ABCA12: variants seen among roughly 807,000 people sequenced by gnomAD.
The protein encoded by ABCA12 is ATP binding cassette subfamily A member 12, also known as glucosylceramide transporter ABCA12.
ABCA12 carries 156 observed loss-of-function variants against 293.5 expected under a neutral mutation model. The observed-to-expected ratio is 0.53, with a 90% CI of 0.47 to 0.61. The LOEUF is 0.61. Ranked by LOEUF, ABCA12 falls within the 20% of genes least tolerant of loss-of-function variation. The probability of loss-of-function intolerance (pLI) is 0.00; values close to 1 mark genes in which losing one functional copy is unlikely to be tolerated. For missense variants in ABCA12, 2,797 were observed against 3,090.2 expected (o/e 0.91, Z 2.25); for synonymous variants, 1,063 against 1,108.0 (o/e 0.96, Z 0.81).
chr2:215,083,499 A>G (rs188002700), intron 2 of ABCA12, among the ~76,000 whole-genome samples: 2 of 152,342 alleles, frequency 1.3e-5, no homozygotes, highest in Admixed American at 6.5e-5. Flanking sequence ...TTTGGGTATC[A>G]TAAGCAATTT....
rs1259026065 is a variant in ABCA12, at chr2:215,007,756, G to A, written c.2563C>T (p.Leu855=). 9.9e-6 allele frequency: 16 copies of A among 1,613,926 alleles called. No homozygotes were observed. The highest frequency in any genetic ancestry group is 1.4e-5 in the Non-Finnish European group (16 of 1,179,966). The change falls in exon 19 of 53, where the codon CTG becomes TTG. Residue 855 remains leucine, a synonymous_variant. Coordinates refer to ENST00000272895, the MANE Select transcript of ABCA12 (RefSeq NM_173076.3). ...KSPLFMNSFH[L]LNQAIPMLQN... is the part of the protein sequence containing the mutation. ...AGCATTGGAATTGCCTGGTTTAACA[G>A]ATGGAAGGAATTCATGAAAAGTGGC...
Position 215,105,496 on chromosome 2 carries a change from G to A in ABCA12, c.163+6101C>T, listed in dbSNP as rs139915500. Among the ~76,000 whole-genome samples, 390 of 152,004 alleles carry A rather than the reference G, an allele frequency of 2.6e-3. 3 individuals carry two copies. The Middle Eastern group carries it at 0.044, about 17-fold the overall frequency. ...GTCTTGAAAGTCAGACAAAGAGAAG[G>A]TGAAACCTAATGGGCCCAAATAGTA... On this transcript the variant is annotated intron_variant, in intron 2 of 52. Coordinates refer to ENST00000272895, the MANE Select transcript of ABCA12 (RefSeq NM_173076.3).
chr2:215,054,686 C>T, intron 3 of ABCA12, 22 bp from the exon 4 acceptor site: 1 of 1,564,630 alleles, frequency 6.4e-7, no homozygotes, highest in Non-Finnish European at 8.8e-7. Context: ...AAAGCAAGAA[C>T]TCTGTAACTT....
intron 1 of ABCA12, among the ~76,000 whole-genome samples, chr2:215,120,974 T>C (rs1575057600): frequency 6.6e-6 from 1 of 152,218 alleles, no homozygotes; most frequent in South Asian, 2.1e-4. Context: ...CAAGTGGTCT[T>C]CTTATAATTA....
At chr2:215,080,046 C>T (rs542528899) in intron 2 of ABCA12, among the ~76,000 whole-genome samples, 10 of 152,204 alleles carry the variant, frequency 6.6e-5, no homozygotes, top group South Asian at 2.1e-4. Flanking sequence ...CTGCTATATA[C>T]GGTAATTAGA....
At chr2:214,934,569 A>T (rs1698161015) in intron 51 of ABCA12, among the ~76,000 whole-genome samples, 1 of 152,242 alleles carries the variant, frequency 6.6e-6, no homozygotes, top group African/African-American at 2.4e-5. Flanking sequence ...CTCAATCTTA[A>T]GAAATTTCAT....
chr2:215,010,574 G>T, intron 17 of ABCA12, 104 bp from the exon 18 acceptor site: 2 of 1,251,890 alleles, frequency 1.6e-6, no homozygotes, highest in Non-Finnish European at 2.3e-6. Flanking sequence ...AAAAATACAT[G>T]CTCTAGTACT....
At chr2:214,934,329 T>C in intron 51 of ABCA12, 114 bp from the exon 52 acceptor site, 1 of 1,168,624 alleles carries the variant, frequency 8.6e-7, no homozygotes, top group Non-Finnish European at 1.3e-6. Context: ...CCACTGAAAA[T>C]GATGCTACAG....
intron 1 of ABCA12, among the ~76,000 whole-genome samples, chr2:215,132,315 G>C (rs111781808): frequency 1.2e-3 from 189 of 152,060 alleles, no homozygotes; most frequent in African/African-American, 4.5e-3. Flanking sequence ...TTGATTATCT[G>C]TCTAGTAATA....
At chr2:215,105,613 A>G (rs893521315) in intron 2 of ABCA12, among the ~76,000 whole-genome samples, 1 of 151,828 alleles carries the variant, frequency 6.6e-6, no homozygotes, top group African/African-American at 2.4e-5. Context: ...ACACACACAC[A>G]CACACACACG....
chr2:214,992,531 T>C (rs1406110942), intron 23 of ABCA12, among the ~76,000 whole-genome samples: 1 of 146,914 alleles, frequency 6.8e-6, no homozygotes, highest in Non-Finnish European at 1.5e-5. Flanking sequence ...CCTTTTTTTT[T>C]TTTTTTTTTT....
chr2:214,994,027 A>G (rs924128370), intron 23 of ABCA12, among the ~76,000 whole-genome samples: 4 of 152,186 alleles, frequency 2.6e-5, no homozygotes, highest in African/African-American at 9.7e-5. Flanking sequence ...TTCCAAAAGC[A>G]TTCACTATTT....
chr2:215,127,206 G>T (rs1240235488), intron 1 of ABCA12, among the ~76,000 whole-genome samples: 2 of 152,000 alleles, frequency 1.3e-5, no homozygotes, highest in East Asian at 3.9e-4. Context: ...TTGTTTTATG[G>T]CTTATCATAT....
intron 2 of ABCA12, among the ~76,000 whole-genome samples, chr2:215,075,158 G>A (rs1310980916): frequency 1.3e-5 from 2 of 151,978 alleles, no homozygotes; most frequent in African/African-American, 4.8e-5. Context: ...GAAGGGAGAT[G>A]GAGGTGTTTA....
intron 9 of ABCA12, among the ~76,000 whole-genome samples, chr2:215,027,840 G>A (rs934743816): frequency 6.6e-6 from 1 of 152,080 alleles, no homozygotes; most frequent in Non-Finnish European, 1.5e-5. Flanking sequence ...ACCAATATAA[G>A]TTCCTTTTTT....
intron 2 of ABCA12, among the ~76,000 whole-genome samples, chr2:215,092,191 C>G (rs577528002): frequency 5.3e-5 from 8 of 152,280 alleles, no homozygotes; most frequent in African/African-American, 1.9e-4. Context: ...ACATTACCTT[C>G]TTTTCAAGGG....
intron 4 of ABCA12, among the ~76,000 whole-genome samples, chr2:215,052,889 G>C (rs564018295): frequency 3.3e-5 from 5 of 151,992 alleles, no homozygotes; most frequent in African/African-American, 1.2e-4. Flanking sequence ...CCAATAAACC[G>C]AATCATTTCT....
intron 14 of ABCA12, 75 bp from the exon 15 acceptor site, chr2:215,015,738 G>T (rs1700479917): frequency 2.8e-6 from 4 of 1,404,608 alleles, no homozygotes; most frequent in Non-Finnish European, 3.0e-6. Context: ...GAGGTTTTCT[G>T]TATACTCTAA....
Position 214,978,717 on chromosome 2 carries a change from A to AT in ABCA12, c.4977+86dup, listed in dbSNP as rs1303259404. On this transcript the variant is annotated intron_variant, in intron 32 of 52. Coordinates refer to ENST00000272895, the MANE Select transcript of ABCA12 (RefSeq NM_173076.3). ...TCTAATTTTGTGAACTATTTTAAAA[A>AT]TTTTTTTAGAAAAATGGCACATATT... 9 of 1,451,924 alleles carry AT rather than the reference A, an allele frequency of 6.2e-6. No homozygotes were observed. The African/African-American group carries it at 8.5e-5, about 14-fold the overall frequency. The allele number at this position is 1,451,924 out of a possible 1,614,324, so 89.9% of individuals were successfully genotyped here. A position where few individuals can be genotyped will look rare whatever the true frequency, so the allele number is the denominator to read the frequency against.
Sources: allele counts gnomAD v4.1 joint callset (sites outside exome capture counted in the v4.1 genomes callset), GRCh38; gene constraint gnomAD v4.1.1; transcripts MANE v1.5; gene names NCBI Gene and HGNC (gene_info 2026-07-23, HGNC 2026-07-21).